The following ZNF385B variants were observed in gnomAD, a reference collection of about 807,000 sequenced individuals.
ZNF385B encodes zinc finger protein 533.
ZNF385B carries 23 observed loss-of-function variants against 39.2 expected under a neutral mutation model. The ratio of observed to expected loss-of-function variants is 0.59; its 90% CI spans 0.42 to 0.83. The LOEUF is 0.83. ZNF385B is among the 40% of genes least tolerant of loss of function. The pLI is 0.00. For missense variants in ZNF385B, 552 were observed against 598.9 expected (o/e 0.92, Z 0.82); for synonymous variants, 205 against 222.6 (o/e 0.92, Z 0.70).
intron 1 of ZNF385B, among the ~76,000 whole-genome samples, chr2:179,859,346 T>C (rs1463810878): frequency 6.6e-6 from 1 of 152,232 alleles, no homozygotes; most frequent in Non-Finnish European, 1.5e-5. Flanking sequence ...TAAAATGCTG[T>C]AAAATATCAA....
intron 3 of ZNF385B, among the ~76,000 whole-genome samples, chr2:179,663,326 TATGATTTTATGGA>T (rs1401264338): frequency 6.6e-6 from 1 of 152,206 alleles, no homozygotes; most frequent in Admixed American, 6.5e-5. Flanking sequence ...TCTACAGGTT[TATGATTTTATGGA>T]AAAATGATAA....
chr2:179,735,610 T>G (rs1343447035), intron 3 of ZNF385B, among the ~76,000 whole-genome samples: 11 of 147,502 alleles, frequency 7.5e-5, no homozygotes, highest in African/African-American at 2.3e-4. Flanking sequence ...TTATTCACAA[T>G]AGCAAAGACT....
intron 1 of ZNF385B, among the ~76,000 whole-genome samples, chr2:179,843,267 G>C (rs1575588235): frequency 1.3e-5 from 2 of 152,084 alleles, no homozygotes; most frequent in African/African-American, 4.8e-5. Flanking sequence ...GGAGCACAGG[G>C]GAACTAGCTA....
chr2:179,777,841 C>T (rs191548198), intron 1 of ZNF385B, among the ~76,000 whole-genome samples: 4 of 150,326 alleles, frequency 2.7e-5, no homozygotes, highest in Non-Finnish European at 5.9e-5. Flanking sequence ...GGCACGATCT[C>T]GGCACACTGC....
intron 3 of ZNF385B, among the ~76,000 whole-genome samples, chr2:179,594,227 C>G (rs1023639036): frequency 1.3e-5 from 2 of 152,106 alleles, no homozygotes; most frequent in Non-Finnish European, 2.9e-5. Flanking sequence ...TATTGTTATA[C>G]AGCAGTTGTA....
At chr2:179,704,579 T>A in intron 3 of ZNF385B, among the ~76,000 whole-genome samples, 1 of 152,112 alleles carries the variant, frequency 6.6e-6, no homozygotes, top group East Asian at 1.9e-4. Flanking sequence ...AATGTGAAGA[T>A]GAAATATAAA....
chr2:179,594,797 C>CTTT (rs35322965), intron 3 of ZNF385B, among the ~76,000 whole-genome samples: 5 of 145,414 alleles, frequency 3.4e-5, no homozygotes, highest in East Asian at 2.0e-4. Flanking sequence ...TAGGTAAACT[C>CTTT]TTTTTTTTTT....
At chr2:179,648,516 C>T (rs562674663) in intron 3 of ZNF385B, among the ~76,000 whole-genome samples, 14 of 152,138 alleles carry the variant, frequency 9.2e-5, no homozygotes, top group Admixed American at 2.0e-4. Context: ...ACGTTTGCTC[C>T]GAGCACTGGC....
chr2:179,514,376 C>T (rs1471907189), intron 5 of ZNF385B: 1 of 152,208 alleles, frequency 6.6e-6, no homozygotes, highest in Non-Finnish European at 1.5e-5. Context: ...CAGGACAATC[C>T]TTTTATCATG....
intron 6 of ZNF385B, among the ~76,000 whole-genome samples, chr2:179,472,183 T>C (rs1020729364): frequency 4.6e-5 from 7 of 152,224 alleles, no homozygotes; most frequent in Admixed American, 3.3e-4. Context: ...CTGTAAGTGA[T>C]ATAAGCAGGA....
chr2:179,571,204 T>C (rs1685175272), intron 3 of ZNF385B, among the ~76,000 whole-genome samples: 1 of 152,206 alleles, frequency 6.6e-6, no homozygotes, highest in Non-Finnish European at 1.5e-5. Context: ...GTCTTTGTTA[T>C]CCTCTGCTCC....
intron 4 of ZNF385B, among the ~76,000 whole-genome samples, chr2:179,533,961 T>C (rs997239293): frequency 2.0e-5 from 3 of 152,170 alleles, no homozygotes; most frequent in African/African-American, 7.2e-5. Context: ...TAGGGTAAAA[T>C]AGAATCCATT....
At chr2:179,834,360 A>C (rs2106603424) in intron 1 of ZNF385B, among the ~76,000 whole-genome samples, 1 of 152,188 alleles carries the variant, frequency 6.6e-6, no homozygotes, top group Non-Finnish European at 1.5e-5. Flanking sequence ...AAGCTAGACC[A>C]AAAAAAGTGG....
intron 3 of ZNF385B, among the ~76,000 whole-genome samples, chr2:179,748,363 T>C (rs995177677): frequency 3.9e-5 from 6 of 152,110 alleles, no homozygotes; most frequent in African/African-American, 1.4e-4. Flanking sequence ...GACATAAGTA[T>C]TTTTTTAGCA....
At chr2:179,731,226 G>A (rs2106428417) in intron 3 of ZNF385B, among the ~76,000 whole-genome samples, 1 of 152,290 alleles carries the variant, frequency 6.6e-6, no homozygotes, top group East Asian at 1.9e-4. Flanking sequence ...TCTAAGCATT[G>A]TGCTATATTC....
At chr2:179,573,352 T>C (rs936200143) in intron 3 of ZNF385B, among the ~76,000 whole-genome samples, 1 of 152,116 alleles carries the variant, frequency 6.6e-6, no homozygotes, top group Non-Finnish European at 1.5e-5. Flanking sequence ...AAAGGAATAG[T>C]ATAATTTTTA....
chr2:179,727,103 G>A (rs977541633), intron 3 of ZNF385B, among the ~76,000 whole-genome samples: 1 of 152,020 alleles, frequency 6.6e-6, no homozygotes, highest in African/African-American at 2.4e-5. Flanking sequence ...GTTCAGATGA[G>A]ATGAACAGAT....
chr2:179,617,894 TG>T (rs1689889212), intron 3 of ZNF385B, among the ~76,000 whole-genome samples: 1 of 152,134 alleles, frequency 6.6e-6, no homozygotes, highest in African/African-American at 2.4e-5. Flanking sequence ...ATAAGAATCT[TG>T]AGAACTTGAT....
At chr2:179,537,767 A>C (rs1207421274) in intron 4 of ZNF385B, among the ~76,000 whole-genome samples, 5 of 125,318 alleles carry the variant, frequency 4.0e-5, no homozygotes, top group African/African-American at 1.5e-4. Context: ...ACAAACAAAC[A>C]AAAAAAAAAA....
Sources: gnomAD v4.1 joint callset for allele counts (sites outside exome capture counted in the v4.1 genomes callset) on GRCh38, gnomAD v4.1.1 for gene constraint, MANE v1.5 for transcripts, NCBI Gene and HGNC (gene_info 2026-07-23, HGNC 2026-07-21) for gene names.